GREB1L: variants seen among roughly 807,000 people sequenced by gnomAD.
The protein encoded by GREB1L is GREB1 like retinoic acid receptor coactivator, also known as GREB1-like protein.
A neutral mutation model predicts 200.8 loss-of-function variants in GREB1L; 17 were observed. That is an observed-to-expected ratio of 0.08 (90% CI 0.06 to 0.13). The LOEUF is 0.13. Ranked by LOEUF, GREB1L falls within the 10% of genes least tolerant of loss-of-function variation. The pLI is 1.00. For missense variants in GREB1L, 1,657 were observed against 2,367.7 expected, an observed-to-expected ratio of 0.70 and a Z score of 6.23; for synonymous variants, 789 against 893.0, an observed-to-expected ratio of 0.88 and a Z score of 2.08.
At chr18:21,280,466 C>T (rs899718000) in intron 1 of GREB1L, among the ~76,000 whole-genome samples, 35 of 151,108 alleles carry the variant, frequency 2.3e-4, no homozygotes, top group African/African-American at 8.5e-4. Context: ...TTTTGAAGAA[C>T]ATCTTGGTTG....
chr18:21,513,339 G>A (rs2037306401), intron 27 of GREB1L, among the ~76,000 whole-genome samples: 2 of 152,234 alleles, frequency 1.3e-5, no homozygotes, highest in Middle Eastern at 3.4e-3. Flanking sequence ...TCTAAAGCAG[G>A]GGACATATCA....
chr18:21,510,369 C>T (rs1327756845), intron 27 of GREB1L, among the ~76,000 whole-genome samples: 2 of 152,130 alleles, frequency 1.3e-5, no homozygotes, highest in Non-Finnish European at 2.9e-5. Context: ...CCATTCCCTC[C>T]CTCCCCTCAG....
At chr18:21,357,671 C>T (rs1279646907) in intron 1 of GREB1L, among the ~76,000 whole-genome samples, 3 of 152,144 alleles carry the variant, frequency 2.0e-5, no homozygotes, top group Non-Finnish European at 4.4e-5. Flanking sequence ...GATCTAATTT[C>T]ATTGTTTTGC....
chr18:21,459,206 C>T (rs1182081855), intron 15 of GREB1L, among the ~76,000 whole-genome samples: 2 of 151,160 alleles, frequency 1.3e-5, no homozygotes, highest in African/African-American at 4.9e-5. Context: ...TTTAAGGAAG[C>T]AGTAGACATT....
intron 1 of GREB1L, among the ~76,000 whole-genome samples, chr18:21,320,913 G>T (rs1329563404): frequency 6.6e-6 from 1 of 152,138 alleles, no homozygotes; most frequent in African/African-American, 2.4e-5. Context: ...AAAAATTAGA[G>T]GAAAAATGAT....
At chr18:21,447,890 ACGGTG>A (rs2034309979) in intron 11 of GREB1L, among the ~76,000 whole-genome samples, 1 of 152,068 alleles carries the variant, frequency 6.6e-6, no homozygotes, top group Non-Finnish European at 1.5e-5. Flanking sequence ...GAGGCCAGGC[ACGGTG>A]GCTCACACCT....
chr18:21,521,656 T>C (rs1361070847), intron 32 of GREB1L, among the ~76,000 whole-genome samples: 1 of 151,890 alleles, frequency 6.6e-6, no homozygotes, highest in Non-Finnish European at 1.5e-5. Flanking sequence ...CTTGCTGGCA[T>C]ATAGTGGGCA....
intron 1 of GREB1L, among the ~76,000 whole-genome samples, chr18:21,292,837 G>T (rs1382734801): frequency 6.6e-6 from 1 of 152,226 alleles, no homozygotes; most frequent in Non-Finnish European, 1.5e-5. Context: ...CACTGGGAAA[G>T]ACTTCAGGAA....
At chr18:21,459,297 T>TC (rs908480376) in intron 15 of GREB1L, among the ~76,000 whole-genome samples, 3 of 145,670 alleles carry the variant, frequency 2.1e-5, no homozygotes, top group African/African-American at 7.6e-5. Context: ...TTTTTTTTTT[T>TC]TTTTTGAGAC....
At chr18:21,249,491 T>C (rs781671776) in intron 1 of GREB1L, among the ~76,000 whole-genome samples, 16 of 152,234 alleles carry the variant, frequency 1.1e-4, no homozygotes, top group Non-Finnish European at 2.2e-4. Flanking sequence ...TGTTTTATCT[T>C]GGCCAAGTTA....
Position 21,496,491 on chromosome 18 carries a change from A to G in GREB1L, c.3184A>G (p.Ser1062Gly), listed in dbSNP as rs1198422438. 6.4e-7 allele frequency: 1 copy of G among 1,551,698 alleles called. No homozygotes were observed. The highest frequency in any genetic ancestry group is 8.7e-7 in the Non-Finnish European group (1 of 1,146,990). ...CTGTGACCTCCGGTTAATTGACTCA[A>G]GCTATTTAACTCGCACGGCCTTGGA... is the stretch of plus-strand genomic sequence containing the variant. ...KYCDLRLIDSSYLTRTALEQE... is the reference protein window; with the variant it reads ...KYCDLRLIDSGYLTRTALEQE... Residue 1062 changes from serine (S) to glycine (G), a missense_variant, in exon 21 of 33, where the codon AGC becomes GGC. Physicochemically the swap from Ser to Gly is moderately conservative, Grantham distance 56. Around this residue, in one of 9 missense-constraint regions of GREB1L, gnomAD observed 512 missense variants for 668.3 expected, o/e 0.77. Transcript: ENST00000424526.
In GREB1L at chr18:21,500,058, C is replaced by G. The variant is rs1488787597; in HGVS notation, c.3721C>G (p.Leu1241Val). 8 of 1,551,544 alleles carry G rather than the reference C, an allele frequency of 5.2e-6. No individual in the cohort carries two copies. The Admixed American group carries it at 1.6e-4, about 30-fold the overall frequency. ...VVILSKAAYSLLGSQKSGKLP... is the reference protein window; with the variant it reads ...VVILSKAAYSVLGSQKSGKLP... ...GATCCTATCCAAAGCGGCCTACAGT[C>G]TCCTGGGCTCCCAGAAGAGTGGCAA... The change falls in exon 22 of 33, where the codon CTC (leucine) becomes GTC (valine). Residue 1241 changes from leucine to valine, a missense_variant. Coordinates refer to ENST00000424526, the MANE Select transcript of GREB1L (RefSeq NM_001142966.3).
chr18:21,261,150 A>T (rs1235467749), intron 1 of GREB1L, among the ~76,000 whole-genome samples: 1 of 152,030 alleles, frequency 6.6e-6, no homozygotes, highest in Non-Finnish European at 1.5e-5. Flanking sequence ...ACACATATCT[A>T]TATACTATGT....
intron 1 of GREB1L, among the ~76,000 whole-genome samples, chr18:21,266,942 C>T (rs1042258684): frequency 9.2e-5 from 14 of 151,946 alleles, no homozygotes; most frequent in Admixed American, 1.3e-4. Flanking sequence ...TTTGTTTTTT[C>T]GTTTGTTTGG....
intron 19 of GREB1L, among the ~76,000 whole-genome samples, chr18:21,492,122 G>T (rs1347717404): frequency 6.6e-6 from 1 of 151,870 alleles, no homozygotes; most frequent in South Asian, 2.1e-4. Flanking sequence ...CGAGGCGGGC[G>T]GATCACAAGG....
chr18:21,441,641 G>A lies in GREB1L; in HGVS notation c.1207+104G>A, dbSNP rs77199041. On this transcript the variant is annotated intron_variant, in intron 10 of 32. Coordinates refer to ENST00000424526, the MANE Select transcript of GREB1L (RefSeq NM_001142966.3). ...TATTCATGAAGATATTCATCCATCT[G>A]TTGATTCTGTCAGCTTTTATTGGTC... is the stretch of plus-strand genomic sequence containing the variant. 6.2e-3 allele frequency: 6,659 copies of A among 1,078,602 alleles called. 302 individuals are homozygous for A. In the African/African-American group the frequency reaches 0.091, roughly 15 times the overall value. The allele number at this position is 1,078,602 out of a possible 1,614,324, so 66.8% of individuals were successfully genotyped here. A position where few individuals can be genotyped will look rare whatever the true frequency, so the allele number is the denominator to read the frequency against.
intron 15 of GREB1L, among the ~76,000 whole-genome samples, chr18:21,463,694 C>T (rs2035150054): frequency 1.3e-5 from 2 of 152,162 alleles, no homozygotes; most frequent in African/African-American, 2.4e-5. Flanking sequence ...CCTCCCACCT[C>T]AGCCTCCCAA....
intron 2 of GREB1L, among the ~76,000 whole-genome samples, chr18:21,371,871 C>T (rs1396434142): frequency 6.6e-6 from 1 of 151,056 alleles, no homozygotes; most frequent in East Asian, 1.9e-4. Flanking sequence ...AAACTTATTA[C>T]TGTATGTAAA....
At chr18:21,280,828 T>G (rs1344322434) in intron 1 of GREB1L, among the ~76,000 whole-genome samples, 1 of 152,200 alleles carries the variant, frequency 6.6e-6, no homozygotes, top group African/African-American at 2.4e-5. Context: ...AATCCATGCT[T>G]TCTCGCTCTT....
Sources: gnomAD v4.1 joint callset for allele counts (sites outside exome capture counted in the v4.1 genomes callset) on GRCh38, gnomAD v4.1.1 for gene constraint, gnomAD v4.1.1 regional missense constraint, MANE v1.5 for transcripts, NCBI Gene and HGNC (gene_info 2026-07-23, HGNC 2026-07-21) for gene names.